Variants in BCAS3 observed in about 807,000 individuals in gnomAD.
BCAS3 encodes BCAS4/BCAS3 fusion.
In BCAS3, 53 loss-of-function variants were observed where a neutral mutation model predicts 116.1. The observed-to-expected ratio is 0.46, with a 90% CI of 0.37 to 0.57. The LOEUF is 0.57. BCAS3 is among the 20% of genes least tolerant of loss of function. The probability of loss-of-function intolerance (pLI) is 0.00; values close to 1 mark genes in which losing one functional copy is unlikely to be tolerated. For synonymous variants in BCAS3, 391 were observed against 408.2 expected, an observed-to-expected ratio of 0.96 and a Z score of 0.51; for missense variants, 917 against 1,165.4, an observed-to-expected ratio of 0.79 and a Z score of 3.10.
rs956705578 is a variant in BCAS3, at chr17:61,065,808, G to T, written c.2030-9112G>T. The stretch of plus-strand genomic sequence containing the variant: ...CCAGTAGGACCCAGTAAACTCACTT[G>T]TCCAGATAAGAGCTTTTGGGTCCAT... On this transcript the variant is annotated intron_variant, in intron 19 of 23. Coordinates refer to ENST00000407086, the MANE Select transcript of BCAS3 (RefSeq NM_017679.5). This position sits in a 1 kb window ranked among gnomAD's most constrained non-coding sequence, Gnocchi z 4.8. Among the ~76,000 whole-genome samples the T allele has an allele frequency of 6.6e-5, 10 of 152,150 alleles. No individual in the cohort carries two copies. Among genetic ancestry groups the T allele is most frequent in the Non-Finnish European group, 1.5e-4 (10 of 68,018 alleles).
Position 61,219,034 on chromosome 17 carries a change from C to T in BCAS3, c.2425+134470C>T, listed in dbSNP as rs1441314208. On this transcript the variant is annotated intron_variant, in intron 22 of 23. Coordinates refer to ENST00000407086, the MANE Select transcript of BCAS3 (RefSeq NM_017679.5). The surrounding 1 kb of genome is among the most constrained non-coding windows in gnomAD (Gnocchi z 5.2). Reference sequence around the variant, plus strand: ...AATCCAAAAAAGTGATCTCCCTCCTCATTTTCTGTTTGCTGATAAAGGATG... The same window carrying T: ...AATCCAAAAAAGTGATCTCCCTCCTTATTTTCTGTTTGCTGATAAAGGATG... 6.6e-6 allele frequency among the ~76,000 whole-genome samples: 1 copy of T among 152,208 alleles called. No homozygotes were observed. Among genetic ancestry groups the T allele is most frequent in the Non-Finnish European group, 1.5e-5 (1 of 68,034 alleles).
rs1008640125 is a variant in BCAS3 at position 61,348,624 on chromosome 17, CA to C, written c.2426-19701del. Among the ~76,000 whole-genome samples the C allele has an allele frequency of 2.0e-5, 3 of 152,102 alleles. No homozygotes were observed. Among genetic ancestry groups the C allele is most frequent in the African/African-American group, 7.2e-5 (3 of 41,408 alleles). ...ACTGAGGAAGCTAGGGAGTAGTCAG[CA>C]ATTTCCCAATGAAGTCAACTTGCTT... On this transcript the variant is annotated intron_variant, in intron 22 of 23. Coordinates refer to ENST00000407086, the MANE Select transcript of BCAS3 (RefSeq NM_017679.5). This position sits in a 1 kb window ranked among gnomAD's most constrained non-coding sequence, Gnocchi z 4.5.
intron 22 of BCAS3, among the ~76,000 whole-genome samples, chr17:61,329,070 A>AT (rs2143082804): frequency 6.7e-6 from 1 of 149,456 alleles, no homozygotes; most frequent in Admixed American, 6.7e-5. Flanking sequence ...AGTTTTTTGT[A>AT]TTTTTAGTAG....
chr17:61,148,771 C>G (rs1349720914), intron 22 of BCAS3, among the ~76,000 whole-genome samples: 1 of 152,208 alleles, frequency 6.6e-6, no homozygotes, highest in Non-Finnish European at 1.5e-5. Context: ...CCTCCAAAAA[C>G]TATGTTGTTA....
intron 10 of BCAS3, among the ~76,000 whole-genome samples, chr17:60,892,342 T>A (rs1421669963): frequency 6.6e-6 from 1 of 151,456 alleles, no homozygotes; most frequent in East Asian, 2.0e-4. Flanking sequence ...GACAGAGTTT[T>A]GCTTTTGTTG....
chr17:61,268,800 T>C (rs1248089598), intron 22 of BCAS3, among the ~76,000 whole-genome samples: 3 of 152,160 alleles, frequency 2.0e-5, no homozygotes, highest in African/African-American at 7.2e-5. Context: ...TCAGATGATC[T>C]GCCCACCTCA....
chr17:61,045,397 G>T (rs2067954619), intron 19 of BCAS3, among the ~76,000 whole-genome samples: 1 of 151,538 alleles, frequency 6.6e-6, no homozygotes. Context: ...TGTAGTCCCA[G>T]TTGCTCAGCA....
intron 7 of BCAS3, among the ~76,000 whole-genome samples, chr17:60,823,547 G>C (rs890187903): frequency 6.6e-6 from 1 of 152,122 alleles, no homozygotes; most frequent in Non-Finnish European, 1.5e-5. Flanking sequence ...CTGGGTAACA[G>C]AGTGAGACTC....
At chr17:60,932,434 A>G (rs1406146603) in intron 13 of BCAS3, among the ~76,000 whole-genome samples, 2 of 152,096 alleles carry the variant, frequency 1.3e-5, no homozygotes, top group African/African-American at 4.8e-5. Flanking sequence ...CTTATGTCTA[A>G]ATTGTGGTTT....
chr17:61,074,141 A>G (rs1489213841), intron 19 of BCAS3, among the ~76,000 whole-genome samples: 1 of 151,418 alleles, frequency 6.6e-6, no homozygotes, highest in Non-Finnish European at 1.5e-5. Flanking sequence ...AAGATTAAAT[A>G]CAATCATGTA....
At chr17:61,079,882 ATTTTTTTTTTTTT>A (rs745702399) in intron 21 of BCAS3, among the ~76,000 whole-genome samples, 1 of 65,888 alleles carries the variant, frequency 1.5e-5, no homozygotes, top group South Asian at 4.6e-4. Flanking sequence ...AGGCATGAGT[ATTTTTTTTTTTTT>A]TTTTTTTTTT....
At chr17:61,267,986 T>G (rs1445956402) in intron 22 of BCAS3, among the ~76,000 whole-genome samples, 1 of 152,118 alleles carries the variant, frequency 6.6e-6, no homozygotes, top group African/African-American at 2.4e-5. Flanking sequence ...TCTTGAATAT[T>G]TAATGTAATG....
intron 22 of BCAS3, among the ~76,000 whole-genome samples, chr17:61,254,742 A>C (rs567473567): frequency 3.1e-4 from 38 of 122,604 alleles, no homozygotes; most frequent in Non-Finnish European, 5.1e-4. Flanking sequence ...GCGCCACTGC[A>C]CTCCAGCCTG....
chr17:60,747,106 ATTGT>A, intron 5 of BCAS3, 88 bp from the exon 6 acceptor site: 1 of 825,156 alleles, frequency 1.2e-6, no homozygotes, highest in East Asian at 2.5e-5. Flanking sequence ...CAGACAAAAT[ATTGT>A]TATAAAATTT....
At position 61,087,068 on chromosome 17, in the gene BCAS3, A is replaced by G. The variant is rs1323137945; in HGVS notation, c.2425+2504A>G. 3 of 984,950 alleles carry G rather than the reference A, an allele frequency of 3.0e-6. No homozygotes were observed. Among genetic ancestry groups the G allele is most frequent in the Non-Finnish European group, 3.6e-6 (3 of 829,610 alleles). The allele number at this position is 984,950 out of a possible 1,614,324, so 61.0% of individuals were successfully genotyped here. On this transcript the variant is annotated intron_variant, in intron 22 of 23. Coordinates refer to ENST00000407086, the MANE Select transcript of BCAS3 (RefSeq NM_017679.5). This position sits in a 1 kb window ranked among gnomAD's most constrained non-coding sequence, Gnocchi z 4.6. ...TAATTTGAGTTCTTTATGTAAACAT[A>G]TTTATGGGAAAATTTTGTTGTAGAT...
intron 22 of BCAS3, among the ~76,000 whole-genome samples, chr17:61,152,677 A>G (rs1420934321): frequency 1.3e-5 from 2 of 152,130 alleles, no homozygotes; most frequent in African/African-American, 2.4e-5. Context: ...TTTTATTATT[A>G]ATATTATTGT....
At chr17:61,000,978 T>C (rs2064198845) in intron 15 of BCAS3, among the ~76,000 whole-genome samples, 1 of 152,210 alleles carries the variant, frequency 6.6e-6, no homozygotes, top group Non-Finnish European at 1.5e-5. Context: ...GAGTTCACTG[T>C]GTCATGGGAC....
At chr17:60,876,998 G>A (rs1224363676) in intron 9 of BCAS3, among the ~76,000 whole-genome samples, 1 of 151,922 alleles carries the variant, frequency 6.6e-6, no homozygotes, top group Non-Finnish European at 1.5e-5. Flanking sequence ...AGCACAAGTG[G>A]TTCTTTTTCA....
In BCAS3 at chr17:61,071,471, C is replaced by G. The variant is rs1011088898; in HGVS notation, c.2030-3449C>G. ...ATGTGTAATAAAATCACCTAGGGAT[C>G]TTGTTGAAATGCAGATTGTAATTCA... On this transcript the variant is annotated intron_variant, in intron 19 of 23. Coordinates refer to ENST00000407086, the MANE Select transcript of BCAS3 (RefSeq NM_017679.5). 2.0e-5 allele frequency among the ~76,000 whole-genome samples: 3 copies of G among 152,170 alleles called. No individual in the cohort carries two copies. The South Asian group carries it at 6.2e-4, about 32-fold the overall frequency.
Sources: allele counts gnomAD v4.1 joint callset (sites outside exome capture counted in the v4.1 genomes callset), GRCh38; gene constraint gnomAD v4.1.1; non-coding constraint Gnocchi (gnomAD v3.1); transcripts MANE v1.5; gene names NCBI Gene and HGNC (gene_info 2026-07-23, HGNC 2026-07-21).